Variants in CCDC148 observed in about 807,000 individuals in gnomAD.
The protein encoded by CCDC148 is coiled-coil domain-containing protein 148.
Under a neutral mutation model 85.7 loss-of-function variants are expected in CCDC148, and 89 were observed. That is an observed-to-expected ratio of 1.04 (90% CI 0.87 to 1.24). CCDC148 has a LOEUF of 1.24. Ranked by LOEUF, CCDC148 falls within the 50% of genes most tolerant of loss-of-function variation. The pLI is 0.00. For synonymous variants in CCDC148, 230 were observed against 213.9 expected, an observed-to-expected ratio of 1.08 and a Z score of -0.66; for missense variants, 692 against 671.7, an observed-to-expected ratio of 1.03 and a Z score of -0.33.
At chr2:158,202,586 C>T (rs1686024172) in intron 11 of CCDC148, among the ~76,000 whole-genome samples, 1 of 152,186 alleles carries the variant, frequency 6.6e-6, no homozygotes, top group Admixed American at 6.5e-5. Context: ...TATTTCAGGC[C>T]TGCAGGCCAT....
At chr2:158,381,774 T>C (rs78666778) in intron 1 of CCDC148, among the ~76,000 whole-genome samples, 10,848 of 152,130 alleles carry the variant, frequency 0.071, 537 homozygotes, top group South Asian at 0.12. Flanking sequence ...CCTATCACCT[T>C]CTCAGAAAGC....
At chr2:158,393,848 AAAAAT>A (rs1455587584) in intron 1 of CCDC148, among the ~76,000 whole-genome samples, 1 of 152,144 alleles carries the variant, frequency 6.6e-6, no homozygotes, top group Non-Finnish European at 1.5e-5. Context: ...CAGTATCACA[AAAAAT>A]AGAACAGTTT....
intron 7 of CCDC148, among the ~76,000 whole-genome samples, chr2:158,325,138 T>C (rs910265794): frequency 3.3e-5 from 5 of 151,454 alleles, no homozygotes; most frequent in African/African-American, 1.2e-4. Context: ...CCTACTTGCC[T>C]ACTCTCCTTT....
At chr2:158,198,959 A>G (rs1685812698) in intron 11 of CCDC148, among the ~76,000 whole-genome samples, 1 of 152,170 alleles carries the variant, frequency 6.6e-6, no homozygotes, top group African/African-American at 2.4e-5. Context: ...TTTTTAAGGG[A>G]GGAGACCAAA....
chr2:158,427,450 C>T (rs1009622308), intron 1 of CCDC148, among the ~76,000 whole-genome samples: 6 of 152,066 alleles, frequency 3.9e-5, no homozygotes, highest in African/African-American at 1.4e-4. Context: ...AAAGGGCTTT[C>T]TTGAAGAGGT....
chr2:158,313,841 T>G lies in CCDC148; in HGVS notation c.818A>C (p.Gln273Pro), dbSNP rs1692156263. The change falls in exon 8 of 14, where the codon CAG becomes CCG. Residue 273 changes from glutamine (Q) to proline (P), a missense_variant. Physicochemically the swap from Gln to Pro is moderately conservative, Grantham distance 76. Coordinates refer to ENST00000283233, the MANE Select transcript of CCDC148 (RefSeq NM_138803.4). ...DHWIYQAILDQYPGDLFGRRT... is the reference protein window; with the variant it reads ...DHWIYQAILDPYPGDLFGRRT... ...TCTTCCAAAGAGATCTCCAGGGTAC[T>G]GATCCAAAATAGCCTGGTAAATCCA... 1.2e-6 allele frequency: 2 copies of G among 1,613,938 alleles called. No individual in the cohort carries two copies. The highest frequency in any genetic ancestry group is 2.2e-5 in the East Asian group (1 of 44,826).
chr2:158,177,084 G>C (rs2105259223), intron 12 of CCDC148, among the ~76,000 whole-genome samples: 1 of 151,954 alleles, frequency 6.6e-6, no homozygotes, highest in East Asian at 1.9e-4. Flanking sequence ...AAGTTTCCTA[G>C]GAAGTTTAAC....
chr2:158,321,338 A>C (rs1316856447), intron 7 of CCDC148, among the ~76,000 whole-genome samples: 2 of 152,190 alleles, frequency 1.3e-5, no homozygotes, highest in African/African-American at 2.4e-5. Flanking sequence ...TGGGAGCTGC[A>C]GTGACCCAGG....
At chr2:158,338,265 A>G (rs1390700943) in intron 7 of CCDC148, among the ~76,000 whole-genome samples, 5 of 152,176 alleles carry the variant, frequency 3.3e-5, no homozygotes, top group Non-Finnish European at 7.4e-5. Context: ...TCTATTTCCT[A>G]AAAATGAAAT....
intron 11 of CCDC148, among the ~76,000 whole-genome samples, chr2:158,204,581 C>T (rs1574396160): frequency 6.6e-6 from 1 of 152,070 alleles, no homozygotes; most frequent in African/African-American, 2.4e-5. Flanking sequence ...TCCCAGCTAC[C>T]CCCAGCTTTC....
At chr2:158,391,466 G>T (rs1685304975) in intron 1 of CCDC148, among the ~76,000 whole-genome samples, 2 of 152,096 alleles carry the variant, frequency 1.3e-5, no homozygotes, top group Admixed American at 1.3e-4. Flanking sequence ...ACTACTAGTT[G>T]CTGAAATTGT....
At chr2:158,341,173 C>T (rs1057256284) in intron 3 of CCDC148, among the ~76,000 whole-genome samples, 7 of 152,038 alleles carry the variant, frequency 4.6e-5, no homozygotes, top group African/African-American at 1.7e-4. Context: ...ATAAGAGCAA[C>T]AAATCTTCAT....
intron 1 of CCDC148, among the ~76,000 whole-genome samples, chr2:158,369,254 T>A (rs1482415991): frequency 2.6e-5 from 4 of 152,166 alleles, no homozygotes; most frequent in African/African-American, 9.7e-5. Flanking sequence ...ATCTATAAAT[T>A]ACTTTGGGCA....
chr2:158,244,212 G>A (rs1420698397), intron 10 of CCDC148, among the ~76,000 whole-genome samples: 2 of 151,950 alleles, frequency 1.3e-5, no homozygotes, highest in South Asian at 2.1e-4. Context: ...GCATTTTTAC[G>A]TATTTGTTAT....
At chr2:158,370,189 C>A (rs1451310790) in intron 1 of CCDC148, among the ~76,000 whole-genome samples, 3 of 151,886 alleles carry the variant, frequency 2.0e-5, no homozygotes, top group Admixed American at 6.6e-5. Context: ...GGGCTTAATA[C>A]CTAGGTGATG....
intron 9 of CCDC148, among the ~76,000 whole-genome samples, chr2:158,304,391 A>G (rs1691586502): frequency 6.6e-6 from 1 of 152,164 alleles, no homozygotes; most frequent in Non-Finnish European, 1.5e-5. Flanking sequence ...GCTTTCCAGG[A>G]AAGATGCTCC....
At chr2:158,176,475 C>T (rs1435584924) in intron 13 of CCDC148, 46 bp downstream of exon 13, 1 of 1,593,602 alleles carries the variant, frequency 6.3e-7, no homozygotes, top group Non-Finnish European at 8.6e-7. Flanking sequence ...ACAGTCCTTA[C>T]CATCATCATG....
At chr2:158,178,817 A>G in intron 12 of CCDC148, 62 bp downstream of exon 12, 5 of 1,154,394 alleles carry the variant, frequency 4.3e-6, no homozygotes, top group Non-Finnish European at 6.5e-6. Flanking sequence ...AATGCTATTA[A>G]GAGCACTTAG....
intron 3 of CCDC148, 104 bp from the exon 4 acceptor site, chr2:158,340,784 G>A (rs1682645629): frequency 1.5e-6 from 1 of 688,768 alleles, no homozygotes; most frequent in Non-Finnish European, 2.4e-6. Flanking sequence ...TTTGTCATCT[G>A]TTCATTTAAA....
Sources: gnomAD v4.1 joint callset for allele counts (sites outside exome capture counted in the v4.1 genomes callset) on GRCh38, gnomAD v4.1.1 for gene constraint, MANE v1.5 for transcripts, NCBI Gene and HGNC (gene_info 2026-07-23, HGNC 2026-07-21) for gene names.